MYO1A: variants seen among roughly 807,000 people sequenced by gnomAD.
MYO1A encodes unconventional myosin-Ia.
In MYO1A, 127 loss-of-function variants were observed where a neutral mutation model predicts 138.5. The ratio of observed to expected loss-of-function variants is 0.92; its 90% CI spans 0.79 to 1.06. The LOEUF (loss-of-function observed/expected upper bound fraction) is 1.06, where lower values mean the gene tolerates loss of function less well. MYO1A is among the 50% of genes least tolerant of loss of function. MYO1A has a pLI of 0.00. For synonymous variants in MYO1A, 477 were observed against 497.5 expected, an observed-to-expected ratio of 0.96 and a Z score of 0.55; for missense variants, 1,211 against 1,288.8, an observed-to-expected ratio of 0.94 and a Z score of 0.92.
chr12:57,029,054 T>C (rs1278989976), intron 27 of MYO1A, 78 bp downstream of exon 27: 3 of 1,613,066 alleles, frequency 1.9e-6, no homozygotes, highest in East Asian at 2.2e-5. Context: ...CATGCTTCGC[T>C]TTCTGATCCT....
At chr12:57,042,378 C>G (rs1164989233) in intron 12 of MYO1A, among the ~76,000 whole-genome samples, 2 of 152,172 alleles carry the variant, frequency 1.3e-5, no homozygotes, top group Non-Finnish European at 2.9e-5. Context: ...TTGTTTATCT[C>G]TTCATCAGTT....
chr12:57,043,698 G>A (rs917156998), intron 10 of MYO1A, among the ~76,000 whole-genome samples, 158 bp downstream of exon 10: 3 of 152,102 alleles, frequency 2.0e-5, no homozygotes, highest in African/African-American at 7.2e-5. Context: ...ATGCTTCATC[G>A]GGAGTTCTCA....
At chr12:57,044,909 C>T (rs1443862701) in intron 8 of MYO1A, among the ~76,000 whole-genome samples, 1 of 152,170 alleles carries the variant, frequency 6.6e-6, no homozygotes, top group Non-Finnish European at 1.5e-5. Context: ...CTCCTGCCTG[C>T]CCCCAGCCTC....
rs778942252 is a variant in MYO1A, at chr12:57,047,367, A to C, written c.366T>G (p.Cys122Trp). ...KLVMSYVAAV[C>W]GKGEQVNSVK... ...CAGAGTTCACCTGCTCTCCTTTCCC[A>C]CAGACGGCAGCCACATAAGACATCA... Residue 122 changes from cysteine to tryptophan, a missense_variant, in exon 5 of 28, where the codon TGT (cysteine) becomes TGG (tryptophan). Transcript: ENST00000300119. 2 of 1,614,116 alleles carry C rather than the reference A, an allele frequency of 1.2e-6. No individual in the cohort carries two copies. Among genetic ancestry groups the C allele is most frequent in the South Asian group, 2.2e-5 (2 of 91,084 alleles).
At chr12:57,048,779 T>C (rs2031231873) in intron 1 of MYO1A, among the ~76,000 whole-genome samples, 1 of 152,128 alleles carries the variant, frequency 6.6e-6, no homozygotes, top group African/African-American at 2.4e-5. Context: ...AGACTCCCCA[T>C]CTACCCCCAG....
chr12:57,038,800 C>T lies in MYO1A; in HGVS notation c.1533+9G>A. 1 of 1,614,154 alleles carries T rather than the reference C, an allele frequency of 6.2e-7. No homozygotes were observed. Among genetic ancestry groups the T allele is most frequent in the Non-Finnish European group, 8.5e-7 (1 of 1,180,022 alleles). On this transcript the variant is annotated intron_variant, in intron 16 of 27. Coordinates refer to ENST00000300119, the MANE Select transcript of MYO1A (RefSeq NM_005379.4). ...CCCTAATCTCTGCCCTCCAGCCCTG[C>T]CATTTCACCTTGCCCGCATAGTGGC...
chr12:57,028,518 GA>G lies in MYO1A; in HGVS notation c.*236del. On this transcript the variant is annotated 3_prime_UTR_variant, in exon 28 of 28. Coordinates refer to ENST00000300119, the MANE Select transcript of MYO1A (RefSeq NM_005379.4). ...GAACAAGGACCCACCCACCCTGACT[GA>G]ACCTTTCCAAGCCACATGTTTTATT... 1.9e-6 allele frequency: 1 copy of G among 523,564 alleles called. No individual in the cohort carries two copies. Among genetic ancestry groups the G allele is most frequent in the Non-Finnish European group, 3.4e-6 (1 of 296,986 alleles). The allele number at this position is 523,564 out of a possible 1,614,324, so 32.4% of individuals were successfully genotyped here. A position where few individuals can be genotyped will look rare whatever the true frequency, so the allele number is the denominator to read the frequency against.
chr12:57,041,435 TA>T lies in MYO1A; in HGVS notation c.1160del (p.Leu387Ter). On this transcript the variant is annotated frameshift_variant, in exon 13 of 28. Transcript: ENST00000300119. LOFTEE classifies it high-confidence loss of function. The stretch of plus-strand genomic sequence containing the variant: ...TGCTGAGGTGAGGCACTCTCACCTC[TA>T]ATATCTCAAAACCGTAGATATCAAG... ...GVLDIYGFEILEDNSFEQFVI... is the reference protein window; with the variant it reads ...GVLDIYGFEIXEDNSFEQFVI... 6.2e-7 allele frequency: 1 copy of T among 1,613,102 alleles called. No individual in the cohort carries two copies. Among genetic ancestry groups the T allele is most frequent in the Middle Eastern group, 1.7e-4 (1 of 6,060 alleles).
Position 57,047,727 on chromosome 12 carries a change from GGGGA to G in MYO1A, c.231-10_231-7del, listed in dbSNP as rs776036087. 6.7e-5 allele frequency: 108 copies of G among 1,614,148 alleles called. No homozygotes were observed. The highest frequency in any genetic ancestry group is 8.9e-5 in the Non-Finnish European group (105 of 1,180,030). On this transcript the variant is annotated splice_polypyrimidine_tract_variant and splice_region_variant and intron_variant, in intron 3 of 27. Coordinates refer to ENST00000300119, the MANE Select transcript of MYO1A (RefSeq NM_005379.4). ...CCACATTTGCCAATGCGTAGCTTGT[GGGGA>G]GGAAGTGGGCAATGACTATTGTGAA...
At chr12:57,033,533 T>A (rs1024641530) in intron 22 of MYO1A, among the ~76,000 whole-genome samples, 1 of 152,038 alleles carries the variant, frequency 6.6e-6, no homozygotes, top group Admixed American at 6.6e-5. Context: ...ATTTTTAAAT[T>A]TTTTTTGTAG....
Position 57,037,317 on chromosome 12 carries a change from C to A in MYO1A, c.2056-226G>T, listed in dbSNP as rs146639018. Among the ~76,000 whole-genome samples, 22 of 152,346 alleles carry A rather than the reference C, an allele frequency of 1.4e-4. No homozygotes were observed. In the East Asian group the frequency reaches 4.2e-3, roughly 29 times the overall value. ...ATCACCCCAACCCTCAAGGGCTCTG[C>A]CTCAGGCAAAGGCACTTAGAGCCAT... On this transcript the variant is annotated intron_variant, in intron 19 of 27. Coordinates refer to ENST00000300119, the MANE Select transcript of MYO1A (RefSeq NM_005379.4).
intron 27 of MYO1A, 80 bp from the exon 28 acceptor site, chr12:57,028,961 A>T: frequency 1.3e-6 from 2 of 1,598,038 alleles, no homozygotes; most frequent in Non-Finnish European, 1.7e-6. Context: ...CCCCCCCATC[A>T]TGCGAGTCAG....
intron 18 of MYO1A, 36 bp downstream of exon 18, chr12:57,037,833 C>T: frequency 6.2e-7 from 1 of 1,608,414 alleles, no homozygotes; most frequent in Non-Finnish European, 8.5e-7. Context: ...CCTGCACTGC[C>T]CTTTCCTGAT....
In MYO1A at chr12:57,043,335, C is replaced by T. The variant is rs55679042; in HGVS notation, c.916G>A (p.Val306Met). The stretch of plus-strand genomic sequence containing the variant: ...TCTACTTCTTCTGAATTCAAGCCCA[C>T]CATCTCCCCAATCTCCCGAACACCT... ...GRGVREIGEM[V>M]GLNSEEVERA... Residue 306 changes from valine to methionine, a missense_variant, in exon 11 of 28, where the codon GTG becomes ATG. Val to Met is a conservative substitution (Grantham distance 21). Transcript: ENST00000300119. 12,736 of 1,614,104 alleles carry T rather than the reference C, an allele frequency of 7.9e-3. 46 individuals are homozygous for T. The highest frequency in any genetic ancestry group is 9.7e-3 in the Non-Finnish European group (11,478 of 1,179,946).
Position 57,036,758 on chromosome 12 carries a change from C to T in MYO1A, c.2274+14G>A. The T allele has an allele frequency of 6.2e-7, 1 of 1,613,876 alleles. No homozygotes were observed. The highest frequency in any genetic ancestry group is 8.5e-7 in the Non-Finnish European group (1 of 1,179,780). The stretch of plus-strand genomic sequence containing the variant: ...GAAACAATGTGAGGAAACCTCTCTT[C>T]CACTCTCCATTACCTTCCACCCTCT... On this transcript the variant is annotated intron_variant, in intron 21 of 27. Coordinates refer to ENST00000300119, the MANE Select transcript of MYO1A (RefSeq NM_005379.4).
rs771776062 is a variant in MYO1A at position 57,046,613 on chromosome 12, T to C, written c.579A>G (p.Lys193=). 3.8e-5 allele frequency: 62 copies of C among 1,613,964 alleles called. No individual in the cohort carries two copies. Among genetic ancestry groups the C allele is most frequent in the Non-Finnish European group, 5.2e-5 (61 of 1,179,990 alleles). The change falls in exon 8 of 28, where the codon AAA becomes AAG. Residue 193 remains lysine, a synonymous_variant. Coordinates refer to ENST00000300119, the MANE Select transcript of MYO1A (RefSeq NM_005379.4). ...LEKSRLVKQL[K]GERNFHIFYQ... is the part of the protein sequence containing the mutation. The stretch of plus-strand genomic sequence containing the variant: ...AGAAGATGTGGAAGTTCCTTTCTCC[T>C]TTGAGCTGCTTCACTAATCGGGATT...
rs1241481634 is a variant in MYO1A, at chr12:57,029,119, T to C, written c.3005+13A>G. The C allele has an allele frequency of 6.2e-7, 1 of 1,613,864 alleles. No homozygotes were observed. The highest frequency in any genetic ancestry group is 8.5e-7 in the Non-Finnish European group (1 of 1,179,990). On this transcript the variant is annotated intron_variant, in intron 27 of 27. Transcript: ENST00000300119. ...ACCGTAAGCCGCCCCTCACCCCCAG[T>C]TCATGGCCTCACTTCTCAGTCACGG... is the stretch of plus-strand genomic sequence containing the variant.
intron 1 of MYO1A, among the ~76,000 whole-genome samples, chr12:57,048,841 C>T (rs914105105): frequency 2.0e-5 from 3 of 152,218 alleles, no homozygotes; most frequent in African/African-American, 7.2e-5. Flanking sequence ...GACACCCAAC[C>T]TACCCATAAC....
Position 57,030,245 on chromosome 12 carries a change from T to C in MYO1A, c.2556A>G (p.Glu852=), listed in dbSNP as rs1193723255. The C allele has an allele frequency of 1.9e-6, 3 of 1,614,234 alleles. No homozygotes were observed. Among genetic ancestry groups the C allele is most frequent in the African/African-American group, 1.3e-5 (1 of 75,062 alleles). Residue 852 remains glutamate, a synonymous_variant, in exon 24 of 28, where the codon GAA becomes GAG. Coordinates refer to ENST00000300119, the MANE Select transcript of MYO1A (RefSeq NM_005379.4). ...EILREKLCAS[E]LFKGKKASYP... ...ATGAAGCCTTCTTGCCCTTGAACAG[T>C]TCACTGGCACAGAGCTTTTCCCTCA... is the stretch of plus-strand genomic sequence containing the variant.
Sources: allele counts gnomAD v4.1 joint callset (sites outside exome capture counted in the v4.1 genomes callset), GRCh38; gene constraint gnomAD v4.1.1; transcripts MANE v1.5; gene names NCBI Gene and HGNC (gene_info 2026-07-23, HGNC 2026-07-21).